Variants in ARL15 observed in about 807,000 individuals in gnomAD.
The protein encoded by ARL15 is ARF like GTPase 15.
In ARL15, 19 loss-of-function variants were observed where a neutral mutation model predicts 25.2. The observed-to-expected ratio is 0.75, with a 90% CI of 0.53 to 1.10. The LOEUF is 1.10. ARL15 is among the 50% of genes least tolerant of loss of function. The pLI is 0.00. For missense variants in ARL15, 220 were observed against 246.0 expected (o/e 0.89, Z 0.71); for synonymous variants, 94 against 86.8 (o/e 1.08, Z -0.46).
At chr5:53,935,344 T>C (rs1248501610) in intron 4 of ARL15, among the ~76,000 whole-genome samples, 1 of 152,196 alleles carries the variant, frequency 6.6e-6, no homozygotes, top group African/African-American at 2.4e-5. Flanking sequence ...ATGGAAGTAG[T>C]GATAAGTTGT....
At chr5:53,939,763 A>G (rs1479431526) in intron 4 of ARL15, among the ~76,000 whole-genome samples, 3 of 152,072 alleles carry the variant, frequency 2.0e-5, no homozygotes, top group Admixed American at 2.0e-4. Context: ...TAAAGAAAGA[A>G]AGAAAAAGAA....
At chr5:53,950,316 T>C (rs1025147938) in intron 4 of ARL15, among the ~76,000 whole-genome samples, 7 of 151,308 alleles carry the variant, frequency 4.6e-5, no homozygotes, top group Admixed American at 3.3e-4. Context: ...AGGAACCACT[T>C]CTACTAAGCC....
intron 3 of ARL15, among the ~76,000 whole-genome samples, chr5:54,136,542 C>T (rs192594009): frequency 2.4e-4 from 37 of 151,974 alleles, no homozygotes; most frequent in African/African-American, 6.5e-4. Context: ...TCAAGATTCA[C>T]GCAAACTGAT....
At chr5:54,091,529 A>C (rs1216986186) in intron 4 of ARL15, among the ~76,000 whole-genome samples, 2 of 152,044 alleles carry the variant, frequency 1.3e-5, no homozygotes, top group Non-Finnish European at 2.9e-5. Context: ...GGGGAGGAGG[A>C]AGAAAACAGA....
chr5:54,063,680 GA>G (rs1285583718), intron 4 of ARL15, among the ~76,000 whole-genome samples: 25 of 152,278 alleles, frequency 1.6e-4, no homozygotes, highest in Non-Finnish European at 2.8e-4. Context: ...AAATGAGTTA[GA>G]ATAACTCATT....
At chr5:54,268,142 T>C (rs565098062) in intron 1 of ARL15, among the ~76,000 whole-genome samples, 1 of 152,300 alleles carries the variant, frequency 6.6e-6, no homozygotes, top group South Asian at 2.1e-4. Context: ...CATAGTCCCA[T>C]ATTTCTCGGA....
intron 4 of ARL15, among the ~76,000 whole-genome samples, chr5:53,947,350 A>G (rs1746784014): frequency 6.6e-6 from 1 of 151,998 alleles, no homozygotes; most frequent in African/African-American, 2.4e-5. Context: ...CTGGAAAGAG[A>G]TAAAAACACT....
intron 4 of ARL15, among the ~76,000 whole-genome samples, chr5:53,957,019 G>GA (rs971030401): frequency 2.7e-5 from 4 of 146,702 alleles, no homozygotes; most frequent in Admixed American, 6.8e-5. Flanking sequence ...AGAAGAGAAA[G>GA]AAAAAAAATG....
chr5:54,122,273 C>A (rs758500680), intron 3 of ARL15, among the ~76,000 whole-genome samples: 11 of 152,204 alleles, frequency 7.2e-5, no homozygotes, highest in Admixed American at 2.6e-4. Flanking sequence ...AAATTTCTCC[C>A]CTTCAGACAA....
chr5:54,149,456 A>T (rs1262177729), intron 3 of ARL15, among the ~76,000 whole-genome samples: 2 of 152,152 alleles, frequency 1.3e-5, no homozygotes, highest in African/African-American at 4.8e-5. Context: ...GGCTTTATTG[A>T]AAGGTGTCCT....
chr5:54,045,573 G>C (rs1475843380), intron 4 of ARL15, among the ~76,000 whole-genome samples: 2 of 149,810 alleles, frequency 1.3e-5, no homozygotes, highest in African/African-American at 5.0e-5. Context: ...TTACCTTAGA[G>C]CAAACAAGTT....
At chr5:53,994,560 A>G (rs1748607981) in intron 4 of ARL15, among the ~76,000 whole-genome samples, 1 of 152,194 alleles carries the variant, frequency 6.6e-6, no homozygotes, top group Non-Finnish European at 1.5e-5. Flanking sequence ...TAACTTAGAC[A>G]CATTTAAACT....
chr5:53,988,321 G>GAA (rs756851983), intron 4 of ARL15, among the ~76,000 whole-genome samples: 1 of 106,936 alleles, frequency 9.4e-6, no homozygotes, highest in African/African-American at 3.5e-5. Context: ...AAGAAAAAAA[G>GAA]AAAAAAAAAA....
intron 4 of ARL15, among the ~76,000 whole-genome samples, chr5:53,993,339 G>A (rs570263398): frequency 5.1e-4 from 77 of 152,058 alleles, no homozygotes; most frequent in Non-Finnish European, 9.6e-4. Flanking sequence ...GCTGGGCATG[G>A]TAGCTCGTGC....
intron 4 of ARL15, among the ~76,000 whole-genome samples, chr5:53,973,919 T>C (rs1747839636): frequency 6.6e-6 from 1 of 152,054 alleles, no homozygotes; most frequent in Admixed American, 6.6e-5. Context: ...TATGTGGGCA[T>C]ATAATAAAGT....
intron 1 of ARL15, among the ~76,000 whole-genome samples, chr5:54,277,677 G>A (rs569176092): frequency 5.8e-4 from 89 of 152,220 alleles, no homozygotes; most frequent in African/African-American, 1.9e-3. Flanking sequence ...GCGTGAACCC[G>A]GGAGGCAGAG....
intron 4 of ARL15, among the ~76,000 whole-genome samples, chr5:53,896,190 C>T (rs543686999): frequency 1.7e-3 from 252 of 152,190 alleles, no homozygotes; most frequent in African/African-American, 5.8e-3. Context: ...TGCACTGCCA[C>T]GTCCCGCTAA....
chr5:54,101,086 C>T (rs1272283385), intron 4 of ARL15, among the ~76,000 whole-genome samples: 1 of 151,976 alleles, frequency 6.6e-6, no homozygotes, highest in Non-Finnish European at 1.5e-5. Flanking sequence ...ATGGATCAAG[C>T]AATCTCAACT....
chr5:54,029,333 T>TACCACCACCAACACCACCACC (rs1749893561), intron 4 of ARL15, among the ~76,000 whole-genome samples: 38 of 94,686 alleles, frequency 4.0e-4, no homozygotes, highest in South Asian at 6.6e-4. Flanking sequence ...CCACCACCAC[T>TACCACCACCAACACCACCACC]ACCACCACCA....
Sources: allele counts gnomAD v4.1 joint callset (sites outside exome capture counted in the v4.1 genomes callset), GRCh38; gene constraint gnomAD v4.1.1; transcripts MANE v1.5; gene names NCBI Gene and HGNC (gene_info 2026-07-23, HGNC 2026-07-21).